FN3KRP: variants seen among roughly 807,000 people sequenced by gnomAD.
FN3KRP encodes ketosamine-3-kinase.
Under a neutral mutation model 29.8 loss-of-function variants are expected in FN3KRP, and 33 were observed. The ratio of observed to expected loss-of-function variants is 1.11; its 90% CI spans 0.84 to 1.48. FN3KRP has a LOEUF of 1.48. Among genes scored for constraint, FN3KRP ranks in the 40% most tolerant of loss-of-function variants. The pLI, the probability that FN3KRP is intolerant of heterozygous loss-of-function variation, is 0.00. For synonymous variants in FN3KRP, 157 were observed against 155.2 expected, an observed-to-expected ratio of 1.01 and a Z score of -0.09; for missense variants, 430 against 402.6, an observed-to-expected ratio of 1.07 and a Z score of -0.58.
chr17:82,717,178 C>G (rs909686701), intron 1 of FN3KRP, among the ~76,000 whole-genome samples: 1 of 152,166 alleles, frequency 6.6e-6, no homozygotes, highest in Non-Finnish European at 1.5e-5. Context: ...AACTTTCTCT[C>G]GGGGGCGCTA....
chr17:82,719,394 C>G (rs181822818), intron 2 of FN3KRP, among the ~76,000 whole-genome samples: 1 of 152,252 alleles, frequency 6.6e-6, no homozygotes, highest in African/African-American at 2.4e-5. Flanking sequence ...GCAGAATGAA[C>G]GGCAGGCACT....
intron 3 of FN3KRP, 69 bp from the exon 4 acceptor site, chr17:82,722,735 A>G: frequency 1.3e-6 from 2 of 1,486,194 alleles, no homozygotes; most frequent in South Asian, 2.3e-5. Context: ...TCTGAAGGTG[A>G]CTCAGTTTCG....
At chr17:82,718,453 G>C in intron 1 of FN3KRP, 1 of 988,768 alleles carries the variant, frequency 1.0e-6, no homozygotes, top group Non-Finnish European at 1.2e-6. Context: ...GGTGAAAAGT[G>C]ACCCCAGGTC....
chr17:82,723,496 AGTGTGTGTGTGCAT>A (rs942008943), intron 4 of FN3KRP, among the ~76,000 whole-genome samples: 8 of 151,644 alleles, frequency 5.3e-5, no homozygotes, highest in African/African-American at 1.5e-4. Context: ...CTGTACTCAC[AGTGTGTGTGTGCAT>A]GTGTGTGTGT....
chr17:82,716,754 A>G lies in FN3KRP; in HGVS notation c.-2A>G, dbSNP rs1172401502. On this transcript the variant is annotated 5_prime_UTR_variant, in exon 1 of 6. Coordinates refer to ENST00000269373, the MANE Select transcript of FN3KRP (RefSeq NM_024619.4). ...GGGCGGGTCCGCGGCCGCGGCGGGA[A>G]CATGGAGGAGCTCCTGAGGCGCGAG... is the stretch of plus-strand genomic sequence containing the variant. 23 of 1,501,666 alleles carry G rather than the reference A, an allele frequency of 1.5e-5. No homozygotes were observed. The highest frequency in any genetic ancestry group is 1.9e-5 in the Non-Finnish European group (22 of 1,132,974). 93.0% of individuals were successfully genotyped at this position (1,501,666 alleles called of 1,614,324 possible). A position where few individuals can be genotyped will look rare whatever the true frequency, so the allele number is the denominator to read the frequency against.
chr17:82,723,409 G>A (rs2046812172), intron 4 of FN3KRP, among the ~76,000 whole-genome samples: 3 of 152,188 alleles, frequency 2.0e-5, no homozygotes, highest in South Asian at 2.1e-4. Context: ...GCTTAGGGGC[G>A]GGGAGTGGTG....
chr17:82,720,638 A>C, intron 3 of FN3KRP: 1 of 325,552 alleles, frequency 3.1e-6, no homozygotes, highest in Non-Finnish European at 5.7e-6. Flanking sequence ...CGTTCCCCAG[A>C]AGAGTGTAAG....
At chr17:82,725,902 A>G (rs1448005252) in intron 4 of FN3KRP, among the ~76,000 whole-genome samples, 3 of 152,202 alleles carry the variant, frequency 2.0e-5, no homozygotes, top group Admixed American at 2.0e-4. Flanking sequence ...GGCCAGGTGC[A>G]GTGGCCCACG....
chr17:82,722,995 T>C (rs1366189530), intron 4 of FN3KRP, 109 bp downstream of exon 4: 1 of 976,572 alleles, frequency 1.0e-6, no homozygotes, highest in Non-Finnish European at 1.5e-6. Context: ...TAAAAGTATT[T>C]GCACCATTTT....
intron 2 of FN3KRP, among the ~76,000 whole-genome samples, chr17:82,719,830 C>T (rs935169633): frequency 1.3e-5 from 2 of 152,090 alleles, no homozygotes; most frequent in Admixed American, 6.6e-5. Context: ...CACCTTTATC[C>T]CCCTCTTGCT....
chr17:82,722,995 TGC>T, intron 4 of FN3KRP, 109 bp downstream of exon 4: 1 of 976,572 alleles, frequency 1.0e-6, no homozygotes, highest in South Asian at 1.6e-5. Flanking sequence ...TAAAAGTATT[TGC>T]ACCATTTTTT....
intron 3 of FN3KRP, 24 bp from the exon 4 acceptor site, chr17:82,722,780 C>T (rs1301736205): frequency 1.9e-6 from 3 of 1,611,440 alleles, no homozygotes; most frequent in Admixed American, 1.7e-5. Flanking sequence ...AACTAATTTC[C>T]TTTCTTTTAC....
intron 4 of FN3KRP, among the ~76,000 whole-genome samples, chr17:82,723,634 C>T (rs531926985): frequency 2.0e-5 from 3 of 151,954 alleles, no homozygotes; most frequent in African/African-American, 7.3e-5. Context: ...TGTATGTGTG[C>T]ACACGTGTGT....
intron 1 of FN3KRP, 128 bp from the exon 2 acceptor site, chr17:82,718,778 G>A (rs914618778): frequency 2.4e-6 from 3 of 1,268,180 alleles, no homozygotes; most frequent in Non-Finnish European, 2.2e-6. Flanking sequence ...CTGTCCATGT[G>A]TATGGAATCC....
At position 82,720,257 on chromosome 17, in the gene FN3KRP, C is replaced by A; in HGVS notation, c.294-15C>A. ...TGTGTGTCATCTGTTTAGTTGCTGT[C>A]GTTTGATTTGACAGTCATGCTGCAA... On this transcript the variant is annotated splice_polypyrimidine_tract_variant and intron_variant, in intron 2 of 5. Transcript: ENST00000269373. 6.2e-7 allele frequency: 1 copy of A among 1,607,876 alleles called. No homozygotes were observed. The highest frequency in any genetic ancestry group is 8.5e-7 in the Non-Finnish European group (1 of 1,174,630).
intron 1 of FN3KRP, among the ~76,000 whole-genome samples, chr17:82,717,226 C>T (rs972934219): frequency 2.0e-5 from 3 of 152,138 alleles, no homozygotes; most frequent in Non-Finnish European, 2.9e-5. Flanking sequence ...CAGTCTTGCT[C>T]CCGGGGTTCC....
chr17:82,719,068 A>ACGC lies in FN3KRP; in HGVS notation c.293+12_293+13insGCC. ...GAGGCATCTGAGCAGGTGCATCTTC[A>ACGC]CACCACCCCCCACCTGGCTTTATTA... On this transcript the variant is annotated intron_variant, in intron 2 of 5. Coordinates refer to ENST00000269373, the MANE Select transcript of FN3KRP (RefSeq NM_024619.4). 10 of 1,021,830 alleles carry ACGC rather than the reference A, an allele frequency of 9.8e-6. No homozygotes were observed. The highest frequency in any genetic ancestry group is 1.3e-5 in the Non-Finnish European group (10 of 754,272). The allele number at this position is 1,021,830 out of a possible 1,614,324, so 63.3% of individuals were successfully genotyped here. A position where few individuals can be genotyped will look rare whatever the true frequency, so the allele number is the denominator to read the frequency against.
At chr17:82,719,765 A>G (rs968143319) in intron 2 of FN3KRP, among the ~76,000 whole-genome samples, 20 of 151,258 alleles carry the variant, frequency 1.3e-4, no homozygotes, top group Admixed American at 1.1e-3. Flanking sequence ...AAAAAAGAGG[A>G]AAAAAAAACC....
At chr17:82,726,338 C>A in intron 4 of FN3KRP, 142 bp from the exon 5 acceptor site, 1 of 964,506 alleles carries the variant, frequency 1.0e-6, no homozygotes, top group Non-Finnish European at 1.6e-6. Context: ...GGATGTGGTT[C>A]CCCCCTCAGG....
Sources: gnomAD v4.1 joint callset for allele counts (sites outside exome capture counted in the v4.1 genomes callset) on GRCh38, gnomAD v4.1.1 for gene constraint, MANE v1.5 for transcripts, NCBI Gene and HGNC (gene_info 2026-07-23, HGNC 2026-07-21) for gene names.